The following IMMP2L variants were observed in gnomAD, a reference collection of about 807,000 sequenced individuals.
IMMP2L encodes the protein inner mitochondrial membrane peptidase subunit 2.
A neutral mutation model predicts 19.3 loss-of-function variants in IMMP2L; 18 were observed. That is an observed-to-expected ratio of 0.93 (90% confidence interval 0.64 to 1.38). The LOEUF (loss-of-function observed/expected upper bound fraction) is 1.38, where lower values mean the gene tolerates loss of function less well. IMMP2L is among the 40% of genes most tolerant of loss of function. IMMP2L has a pLI of 0.00. For synonymous variants in IMMP2L, 76 were observed against 73.0 expected (o/e 1.04, Z -0.21); for missense variants, 233 against 218.2 (o/e 1.07, Z -0.43).
At chr7:111,217,993 A>G (rs1204697267) in intron 3 of IMMP2L, among the ~76,000 whole-genome samples, 1 of 152,064 alleles carries the variant, frequency 6.6e-6, no homozygotes, top group Non-Finnish European at 1.5e-5. Flanking sequence ...TTTCAAAATA[A>G]TGAGCTACGG....
At chr7:111,400,237 T>C (rs1233564512) in intron 3 of IMMP2L, among the ~76,000 whole-genome samples, 1 of 152,180 alleles carries the variant, frequency 6.6e-6, no homozygotes, top group Non-Finnish European at 1.5e-5. Flanking sequence ...ATTTGTTAAA[T>C]AAATGAATGA....
intron 3 of IMMP2L, among the ~76,000 whole-genome samples, chr7:111,362,643 C>A (rs1233639454): frequency 6.6e-6 from 1 of 152,064 alleles, no homozygotes; most frequent in African/African-American, 2.4e-5. Flanking sequence ...ATTACATCTC[C>A]CTTAAGTCTG....
At chr7:110,729,445 G>A (rs1424662033) in intron 5 of IMMP2L, among the ~76,000 whole-genome samples, 1 of 152,126 alleles carries the variant, frequency 6.6e-6, no homozygotes. Context: ...TAGCATGGGG[G>A]AAACTGCCCC....
chr7:111,430,899 C>T (rs1327926040), intron 3 of IMMP2L, among the ~76,000 whole-genome samples: 1 of 151,688 alleles, frequency 6.6e-6, no homozygotes, highest in Non-Finnish European at 1.5e-5. Context: ...TTGAGGTCAG[C>T]AGTTCGAGAC....
chr7:111,136,052 G>A (rs980941166), intron 3 of IMMP2L, among the ~76,000 whole-genome samples: 7 of 149,608 alleles, frequency 4.7e-5, no homozygotes, highest in Non-Finnish European at 7.4e-5. Context: ...TTTTTGAGAC[G>A]GAGTCTTGCT....
At chr7:110,776,175 C>A (rs562469636) in intron 5 of IMMP2L, among the ~76,000 whole-genome samples, 2 of 151,186 alleles carry the variant, frequency 1.3e-5, no homozygotes, top group Admixed American at 1.3e-4. Context: ...AATTCCCACT[C>A]CAGGGCAGTT....
chr7:110,691,581 A>G (rs1378929075), intron 5 of IMMP2L, among the ~76,000 whole-genome samples: 1 of 152,186 alleles, frequency 6.6e-6, no homozygotes, highest in African/African-American at 2.4e-5. Flanking sequence ...ACTAATATCC[A>G]TAATCTACAA....
intron 3 of IMMP2L, among the ~76,000 whole-genome samples, chr7:111,137,986 A>T (rs959755056): frequency 6.6e-6 from 1 of 152,000 alleles, no homozygotes; most frequent in Non-Finnish European, 1.5e-5. Flanking sequence ...CACCACACCC[A>T]GCTAATTTTT....
chr7:111,276,254 A>G (rs1819038120), intron 3 of IMMP2L, among the ~76,000 whole-genome samples: 1 of 152,068 alleles, frequency 6.6e-6, no homozygotes, highest in Non-Finnish European at 1.5e-5. Context: ...AGATTTACCA[A>G]TTTACATATA....
At chr7:110,917,220 G>T (rs1299277367) in intron 4 of IMMP2L, among the ~76,000 whole-genome samples, 1 of 152,182 alleles carries the variant, frequency 6.6e-6, no homozygotes. Context: ...GCAAGGAAGG[G>T]AATCTCTGGA....
intron 5 of IMMP2L, among the ~76,000 whole-genome samples, chr7:110,766,312 C>T (rs554516522): frequency 4.6e-5 from 7 of 152,122 alleles, no homozygotes; most frequent in Middle Eastern, 3.4e-3. Context: ...TAAATGTGGC[C>T]GGGCGCAGTG....
intron 3 of IMMP2L, among the ~76,000 whole-genome samples, chr7:111,474,308 C>T (rs974759273): frequency 2.6e-5 from 4 of 152,038 alleles, no homozygotes; most frequent in African/African-American, 9.7e-5. Flanking sequence ...TGCACATGTG[C>T]CCCAGAATCT....
At chr7:111,396,175 A>C (rs987331543) in intron 3 of IMMP2L, among the ~76,000 whole-genome samples, 1 of 152,168 alleles carries the variant, frequency 6.6e-6, no homozygotes, top group Non-Finnish European at 1.5e-5. Flanking sequence ...ATAAAGACAC[A>C]TGGATATGTA....
At chr7:110,958,841 G>C (rs1818639312) in intron 4 of IMMP2L, among the ~76,000 whole-genome samples, 1 of 151,936 alleles carries the variant, frequency 6.6e-6, no homozygotes. Context: ...TTGGCAGTGG[G>C]GCAAAAGCCA....
intron 3 of IMMP2L, among the ~76,000 whole-genome samples, chr7:111,018,667 T>G (rs1825947695): frequency 6.6e-6 from 1 of 152,022 alleles, no homozygotes; most frequent in Non-Finnish European, 1.5e-5. Flanking sequence ...ATAAAGAAAC[T>G]GAGGCTCAGA....
chr7:110,946,718 CTTTTTT>C (rs754971058), intron 4 of IMMP2L, among the ~76,000 whole-genome samples: 2 of 114,178 alleles, frequency 1.8e-5, no homozygotes, highest in Admixed American at 1.1e-4. Context: ...CATTTAATAC[CTTTTTT>C]TTTTTTTTTT....
intron 5 of IMMP2L, among the ~76,000 whole-genome samples, chr7:110,863,266 C>T (rs1464800614): frequency 2.6e-5 from 4 of 152,192 alleles, no homozygotes; most frequent in Middle Eastern, 6.8e-3. Flanking sequence ...TCATGGGTCA[C>T]GGGGGATCAG....
intron 3 of IMMP2L, among the ~76,000 whole-genome samples, chr7:111,199,288 C>A (rs7808813): frequency 6.6e-6 from 1 of 152,070 alleles, no homozygotes; most frequent in African/African-American, 2.4e-5. Context: ...ATTTAAAGTT[C>A]TTTGATTCTA....
chr7:111,347,289 AG>A (rs1177903862), intron 3 of IMMP2L, among the ~76,000 whole-genome samples: 2 of 152,080 alleles, frequency 1.3e-5, no homozygotes, highest in Non-Finnish European at 2.9e-5. Flanking sequence ...GAAAGCAGAG[AG>A]GATGTAAGGG....
Sources: gnomAD v4.1 joint callset for allele counts (sites outside exome capture counted in the v4.1 genomes callset) on GRCh38, gnomAD v4.1.1 for gene constraint, MANE v1.5 for transcripts, NCBI Gene and HGNC (gene_info 2026-07-23, HGNC 2026-07-21) for gene names.